The following PARD3 variants were observed in gnomAD, a reference collection of about 807,000 sequenced individuals.
PARD3 encodes partitioning defective 3 homolog.
A neutral mutation model predicts 155.4 loss-of-function variants in PARD3; 75 were observed. The observed-to-expected ratio is 0.48, with a 90% CI of 0.40 to 0.58. PARD3 has a LOEUF of 0.58. Among genes scored for constraint, PARD3 ranks in the 20% least tolerant of loss-of-function variants. The pLI is 0.00. For missense variants in PARD3, 1,642 were observed against 1,721.7 expected (o/e 0.95, Z 0.82); for synonymous variants, 576 against 610.5 (o/e 0.94, Z 0.83).
chr10:34,485,720 T>C (rs898470667), intron 3 of PARD3, among the ~76,000 whole-genome samples: 21 of 152,100 alleles, frequency 1.4e-4, no homozygotes, highest in Non-Finnish European at 1.5e-5. Flanking sequence ...GGAGAATAGA[T>C]GGTAAATGAT....
intron 2 of PARD3, among the ~76,000 whole-genome samples, chr10:34,543,550 A>T (rs547245490): frequency 2.0e-5 from 3 of 152,348 alleles, no homozygotes; most frequent in East Asian, 3.9e-4. Flanking sequence ...AAAACCAGAG[A>T]GTGTGAAGAA....
chr10:34,150,957 G>C (rs1376458457), intron 22 of PARD3, among the ~76,000 whole-genome samples: 1 of 152,148 alleles, frequency 6.6e-6, no homozygotes, highest in African/African-American at 2.4e-5. Flanking sequence ...AGTCTGGCTA[G>C]ATTTCTCATG....
chr10:34,503,107 G>A (rs1350592527), intron 3 of PARD3, among the ~76,000 whole-genome samples: 1 of 152,118 alleles, frequency 6.6e-6, no homozygotes, highest in East Asian at 1.9e-4. Context: ...GTACTACTTA[G>A]ACAAACTGAT....
At chr10:34,526,696 C>T (rs1005658920) in intron 2 of PARD3, among the ~76,000 whole-genome samples, 5 of 152,222 alleles carry the variant, frequency 3.3e-5, no homozygotes, top group Non-Finnish European at 2.9e-5. Context: ...CACCCTCAAA[C>T]CCTCCTCCTG....
chr10:34,534,796 A>G (rs1291901451), intron 2 of PARD3, among the ~76,000 whole-genome samples: 2 of 152,168 alleles, frequency 1.3e-5, no homozygotes, highest in African/African-American at 4.8e-5. Flanking sequence ...GGATCACTTG[A>G]GGTCAGGAAT....
intron 22 of PARD3, among the ~76,000 whole-genome samples, chr10:34,179,225 T>C (rs1950168787): frequency 6.6e-6 from 1 of 152,156 alleles, no homozygotes; most frequent in South Asian, 2.1e-4. Flanking sequence ...ACTGTATTTT[T>C]AAATTTATTG....
intron 1 of PARD3, among the ~76,000 whole-genome samples, chr10:34,781,271 C>T (rs1015122082): frequency 1.3e-5 from 2 of 152,196 alleles, no homozygotes. Context: ...GAGGCAGCTG[C>T]GGTATTTCAC....
At chr10:34,353,071 G>A (rs1169820505) in intron 14 of PARD3, among the ~76,000 whole-genome samples, 2 of 151,764 alleles carry the variant, frequency 1.3e-5, no homozygotes, top group South Asian at 2.1e-4. Context: ...CCGCCCCGCA[G>A]CTGCCCTGTC....
chr10:34,580,718 A>G (rs1056065790), intron 2 of PARD3, among the ~76,000 whole-genome samples: 1 of 152,204 alleles, frequency 6.6e-6, no homozygotes, highest in African/African-American at 2.4e-5. Flanking sequence ...TGAAACTGTG[A>G]TCAAGCTTGG....
At chr10:34,368,839 T>TAAAAA (rs71033310) in intron 12 of PARD3, among the ~76,000 whole-genome samples, 19 of 108,612 alleles carry the variant, frequency 1.7e-4, no homozygotes, top group East Asian at 1.6e-3. Context: ...ATGAGCAATG[T>TAAAAA]AAAAAAAAAA....
intron 1 of PARD3, among the ~76,000 whole-genome samples, chr10:34,772,400 T>C (rs947636309): frequency 8.5e-5 from 13 of 152,056 alleles, no homozygotes; most frequent in Admixed American, 3.3e-4. Context: ...TCATTATCAA[T>C]TGTAAACCTG....
intron 23 of PARD3, among the ~76,000 whole-genome samples, chr10:34,121,284 T>G (rs11009653): frequency 0.26 from 39,359 of 152,078 alleles, 5,426 homozygotes; most frequent in Middle Eastern, 0.39. Context: ...GCTCAAAATA[T>G]ACAATGGTGC....
At position 34,771,579 on chromosome 10, in the gene PARD3, G is replaced by A. The variant is rs547782352; in HGVS notation, c.120+43297C>T. Among the ~76,000 whole-genome samples the A allele has an allele frequency of 1.6e-4, 25 of 152,304 alleles. No homozygotes were observed. The South Asian group carries it at 5.0e-3, about 30-fold the overall frequency. On this transcript the variant is annotated intron_variant, in intron 1 of 24. Transcript: ENST00000374788. Reference sequence around the variant, plus strand: ...AAAACTGAGAAAGAAAAATGACGTCGGTCAGCCCGACCTAGTCTTACAAAA... The same window carrying A: ...AAAACTGAGAAAGAAAAATGACGTCAGTCAGCCCGACCTAGTCTTACAAAA...
chr10:34,783,061 G>A (rs1285096724), intron 1 of PARD3, among the ~76,000 whole-genome samples: 1 of 152,058 alleles, frequency 6.6e-6, no homozygotes, highest in Non-Finnish European at 1.5e-5. Context: ...AACATTTTAA[G>A]ACATGTTTGT....
chr10:34,351,267 T>C (rs1472785493), intron 14 of PARD3, among the ~76,000 whole-genome samples: 1 of 152,148 alleles, frequency 6.6e-6, no homozygotes, highest in East Asian at 1.9e-4. Flanking sequence ...TTTTAGCATA[T>C]TGTATTTTAT....
chr10:34,279,313 AC>A (rs1269708278), intron 21 of PARD3, among the ~76,000 whole-genome samples: 1 of 151,704 alleles, frequency 6.6e-6, no homozygotes, highest in Non-Finnish European at 1.5e-5. Context: ...GAGCCAACAC[AC>A]CCAATCAAGT....
At chr10:34,732,357 C>G (rs1315929610) in intron 1 of PARD3, among the ~76,000 whole-genome samples, 1 of 152,134 alleles carries the variant, frequency 6.6e-6, no homozygotes, top group Non-Finnish European at 1.5e-5. Flanking sequence ...CCCACCCATA[C>G]AAATTGTCTT....
At chr10:34,658,432 G>A (rs1229403773) in intron 2 of PARD3, among the ~76,000 whole-genome samples, 2 of 152,026 alleles carry the variant, frequency 1.3e-5, no homozygotes, top group East Asian at 1.9e-4. Flanking sequence ...CCTACCACCC[G>A]CGGAACTGAG....
chr10:34,389,239 TAAAAAAAAAA>T lies in PARD3; in HGVS notation c.891-4995_891-4986del, dbSNP rs57615675. 7.0e-4 allele frequency among the ~76,000 whole-genome samples: 46 copies of T among 65,852 alleles called. 1 individual carries two copies. Among genetic ancestry groups the T allele is most frequent in the African/African-American group, 2.5e-3 (35 of 13,802 alleles). The allele number at this position is 65,852 out of a possible 152,430, so 43.2% of individuals were successfully genotyped here. On this transcript the variant is annotated intron_variant, in intron 7 of 24. Coordinates refer to ENST00000374788, the MANE Select transcript of PARD3 (RefSeq NM_001184785.2). ...GACTTCGTTTTTGAACAATGTTTCT[TAAAAAAAAAA>T]AAAAAAAAAAAAAAAAGACAAGCTA...
Sources: gnomAD v4.1 joint callset for allele counts (sites outside exome capture counted in the v4.1 genomes callset) on GRCh38, gnomAD v4.1.1 for gene constraint, MANE v1.5 for transcripts, NCBI Gene and HGNC (gene_info 2026-07-23, HGNC 2026-07-21) for gene names.